Variants in BEND7 observed in about 807,000 individuals in gnomAD.
BEND7 encodes BEN domain-containing protein 7.
Under a neutral mutation model 50.9 loss-of-function variants are expected in BEND7, and 28 were observed. The ratio of observed to expected loss-of-function variants is 0.55; its 90% CI spans 0.41 to 0.75. BEND7 has a LOEUF of 0.75. Ranked by LOEUF, BEND7 falls within the 30% of genes least tolerant of loss-of-function variation. The pLI, the probability that BEND7 is intolerant of heterozygous loss-of-function variation, is 0.00. For missense variants in BEND7, 477 were observed against 491.3 expected (o/e 0.97, Z 0.28); for synonymous variants, 170 against 183.9 (o/e 0.92, Z 0.61).
chr10:13,490,791 T>C (rs1588917632), intron 5 of BEND7, among the ~76,000 whole-genome samples: 1 of 152,210 alleles, frequency 6.6e-6, no homozygotes, highest in South Asian at 2.1e-4. Flanking sequence ...CCCAATCCTA[T>C]GATTTTGTTT....
intron 5 of BEND7, among the ~76,000 whole-genome samples, chr10:13,482,996 T>C (rs990864549): frequency 2.0e-5 from 3 of 152,222 alleles, no homozygotes; most frequent in Non-Finnish European, 2.9e-5. Flanking sequence ...TTTAGAACTT[T>C]TGTTCTAAAT....
chr10:13,454,866 TGTG>T (rs1231521412), intron 6 of BEND7, among the ~76,000 whole-genome samples: 1 of 152,040 alleles, frequency 6.6e-6, no homozygotes, highest in Non-Finnish European at 1.5e-5. Flanking sequence ...CAGACATACA[TGTG>T]GTGGTTAAAA....
Position 13,488,702 on chromosome 10 carries a change from C to T in BEND7, c.837+3909G>A, listed in dbSNP as rs553560044. ...CGGGGTTTCACCATGTTGGCCAGGA[C>T]TGTCTCAATCTCCTGACCTCCTGAT... On this transcript the variant is annotated intron_variant, in intron 5 of 8. Coordinates refer to ENST00000466271, the MANE Select transcript of BEND7 (RefSeq NM_001369863.1). Among the ~76,000 whole-genome samples, 677 of 139,052 alleles carry T rather than the reference C, an allele frequency of 4.9e-3. 4 individuals are homozygous for T. Among genetic ancestry groups the T allele is most frequent in the Admixed American group, 8.3e-3 (122 of 14,690 alleles). 91.2% of individuals were successfully genotyped at this position (139,052 alleles called of 152,430 possible).
chr10:13,517,405 G>A (rs1466111150), intron 2 of BEND7, among the ~76,000 whole-genome samples: 1 of 152,120 alleles, frequency 6.6e-6, no homozygotes, highest in African/African-American at 2.4e-5. Flanking sequence ...GCTCGAAGAA[G>A]TAGACGGAGG....
At chr10:13,445,465 C>G (rs1042032682) in intron 8 of BEND7, 1 of 152,330 alleles carries the variant, frequency 6.6e-6, no homozygotes, top group Middle Eastern at 3.4e-3. Flanking sequence ...GGTATCATGG[C>G]TGGGAGTCGA....
chr10:13,487,998 C>T (rs574438537), intron 5 of BEND7, among the ~76,000 whole-genome samples: 20 of 148,982 alleles, frequency 1.3e-4, no homozygotes, highest in African/African-American at 4.9e-4. Flanking sequence ...GAAGCTGAGG[C>T]AGGAGAATTG....
chr10:13,448,529 G>A (rs1371621001), intron 7 of BEND7, among the ~76,000 whole-genome samples: 4 of 152,138 alleles, frequency 2.6e-5, no homozygotes, highest in Non-Finnish European at 5.9e-5. Flanking sequence ...GCTTAGCTAC[G>A]GCTAGAAATA....
intron 2 of BEND7, chr10:13,500,497 G>T (rs2077362828): frequency 1.0e-6 from 1 of 996,572 alleles, no homozygotes; most frequent in African/African-American, 1.7e-5. Flanking sequence ...GGTCACTAAA[G>T]CGCTCTGCTC....
intron 2 of BEND7, chr10:13,500,383 G>A (rs2132213200): frequency 3.9e-6 from 2 of 516,630 alleles, no homozygotes; most frequent in East Asian, 6.5e-5. Context: ...TTTTCTGAAT[G>A]AGTAGGTGAT....
chr10:13,447,685 A>G (rs1021181191), intron 7 of BEND7, among the ~76,000 whole-genome samples: 4 of 151,834 alleles, frequency 2.6e-5, no homozygotes, highest in African/African-American at 9.7e-5. Flanking sequence ...CTGGGACTAC[A>G]GGCGCCCGCC....
At chr10:13,467,103 T>C (rs2074329431) in intron 6 of BEND7, among the ~76,000 whole-genome samples, 1 of 152,188 alleles carries the variant, frequency 6.6e-6, no homozygotes, top group Admixed American at 6.5e-5. Flanking sequence ...GGCCCATGCC[T>C]CAGAGGTAGG....
rs1339017472 is a variant in BEND7, at chr10:13,518,599, C to T, written c.145+7539G>A. ...AACAAGCAGAACAAATGTGATTTTCCAATTTTGGTTTCCAACATGTCACTG... is the reference window on the plus strand; with the variant it reads ...AACAAGCAGAACAAATGTGATTTTCTAATTTTGGTTTCCAACATGTCACTG... On this transcript the variant is annotated intron_variant, in intron 2 of 8. Transcript: ENST00000466271. Among the ~76,000 whole-genome samples, 4 of 152,230 alleles carry T rather than the reference C, an allele frequency of 2.6e-5. No individual in the cohort carries two copies. The South Asian group carries it at 8.3e-4, about 32-fold the overall frequency.
chr10:13,493,550 G>A (rs913936994), intron 4 of BEND7, among the ~76,000 whole-genome samples: 43 of 152,124 alleles, frequency 2.8e-4, no homozygotes, highest in Admixed American at 2.4e-3. Flanking sequence ...TCTAGACCTC[G>A]GTTTCACATA....
intron 1 of BEND7, among the ~76,000 whole-genome samples, chr10:13,526,624 G>A (rs1003208375): frequency 6.6e-6 from 1 of 152,092 alleles, no homozygotes; most frequent in Non-Finnish European, 1.5e-5. Context: ...AGTTTAGCCA[G>A]CACTCTAGTT....
chr10:13,478,558 C>T (rs2075627889), intron 6 of BEND7, among the ~76,000 whole-genome samples: 1 of 151,228 alleles, frequency 6.6e-6, no homozygotes, highest in Admixed American at 6.6e-5. Context: ...AATCTGATAC[C>T]ACATTCACAT....
chr10:13,529,073 G>A (rs1286197817), upstream of BEND7: 1 of 145,170 alleles, frequency 6.9e-6, no homozygotes, highest in African/African-American at 2.5e-5. Context: ...GCCGGCGGAG[G>A]GGGCGGTGCC....
chr10:13,468,543 A>C (rs1180540939), intron 6 of BEND7, among the ~76,000 whole-genome samples: 1 of 152,216 alleles, frequency 6.6e-6, no homozygotes. Flanking sequence ...AAGTAGGAAA[A>C]CGATGTCACG....
chr10:13,528,284 TCCCCCCGCACAACTTTC>T (rs2079554886), intron 1 of BEND7, among the ~76,000 whole-genome samples, 172 bp downstream of exon 1: 1 of 150,990 alleles, frequency 6.6e-6, no homozygotes, highest in Admixed American at 6.6e-5. Context: ...ACATCCCTGC[TCCCCCCGCACAACTTTC>T]CCCGCCGCCC....
At chr10:13,525,047 T>C (rs2079355005) in intron 2 of BEND7, among the ~76,000 whole-genome samples, 1 of 152,214 alleles carries the variant, frequency 6.6e-6, no homozygotes, top group Non-Finnish European at 1.5e-5. Context: ...TCCTGCTACC[T>C]GAAGTCCCCC....
Sources: allele counts gnomAD v4.1 joint callset (sites outside exome capture counted in the v4.1 genomes callset), GRCh38; gene constraint gnomAD v4.1.1; transcripts MANE v1.5; gene names NCBI Gene and HGNC (gene_info 2026-07-23, HGNC 2026-07-21).